Variants in CLNK observed in about 807,000 individuals in gnomAD.
CLNK encodes the protein cytokine-dependent hematopoietic cell linker.
A neutral mutation model predicts 68.6 loss-of-function variants in CLNK; 74 were observed. The ratio of observed to expected loss-of-function variants is 1.08; its 90% confidence interval spans 0.89 to 1.31. CLNK has a LOEUF of 1.31. Ranked by LOEUF, CLNK falls within the 50% of genes most tolerant of loss-of-function variation. CLNK has a pLI of 0.00. For synonymous variants in CLNK, 198 were observed against 172.2 expected (o/e 1.15, Z -1.17); for missense variants, 553 against 515.3 (o/e 1.07, Z -0.71).
chr4:10,679,715 C>G (rs902881555), intron 1 of CLNK, among the ~76,000 whole-genome samples: 3 of 152,112 alleles, frequency 2.0e-5, no homozygotes, highest in African/African-American at 7.2e-5. Context: ...AGGATATGAA[C>G]AGACACTTCT....
chr4:10,494,288 A>G (rs1037340494), intron 18 of CLNK, among the ~76,000 whole-genome samples: 3 of 152,158 alleles, frequency 2.0e-5, no homozygotes, highest in African/African-American at 4.8e-5. Context: ...CTTCAGAGGG[A>G]AGATGATTTC....
In CLNK at chr4:10,591,655, C is replaced by T. The variant is rs572902396; in HGVS notation, c.83+6323G>A. On this transcript the variant is annotated intron_variant, in intron 3 of 18. Coordinates refer to ENST00000226951, the MANE Select transcript of CLNK (RefSeq NM_052964.4). ...TGGACCTGTCCTATCCGAGCAAGGC[C>T]AATGGAGTGCCTGGCACGTAGTAGG... Among the ~76,000 whole-genome samples the T allele has an allele frequency of 9.3e-4, 142 of 152,338 alleles. 1 individual carries two copies. The highest frequency in any genetic ancestry group is 3.3e-3 in the African/African-American group (137 of 41,568).
chr4:10,625,253 T>C (rs976524469), intron 2 of CLNK, among the ~76,000 whole-genome samples: 5 of 152,170 alleles, frequency 3.3e-5, no homozygotes, highest in African/African-American at 1.2e-4. Flanking sequence ...CATTAGCCGA[T>C]ATAATTGAAA....
the CLNK span, among the ~76,000 whole-genome samples, chr4:10,698,887 C>A: frequency 6.6e-6 from 1 of 152,110 alleles, no homozygotes. Flanking sequence ...CGACTGAACA[C>A]CTAAACAGAA....
intron 18 of CLNK, among the ~76,000 whole-genome samples, chr4:10,491,130 G>T (rs1716554034): frequency 6.6e-6 from 1 of 152,162 alleles, no homozygotes; most frequent in African/African-American, 2.4e-5. Context: ...TAACAAGAGA[G>T]AAAAAAATTC....
upstream of CLNK, among the ~76,000 whole-genome samples, chr4:10,686,332 G>A (rs552105008): frequency 6.0e-4 from 91 of 152,222 alleles, no homozygotes; most frequent in African/African-American, 2.0e-3. Context: ...TTCCAAGGTA[G>A]TGGGGGGTTA....
At position 10,598,432 on chromosome 4, in the gene CLNK, G is replaced by A. The variant is rs573783334; in HGVS notation, c.12-383C>T. Among the ~76,000 whole-genome samples, 5 of 152,316 alleles carry A rather than the reference G, an allele frequency of 3.3e-5. No homozygotes were observed. The South Asian group carries it at 1.0e-3, about 32-fold the overall frequency. ...ATCATACTTTTGCCACATGGTTGATGAGAGGCTGTTAAGAAATTTGAGGGA... is the reference window on the plus strand; with the variant it reads ...ATCATACTTTTGCCACATGGTTGATAAGAGGCTGTTAAGAAATTTGAGGGA... On this transcript the variant is annotated intron_variant, in intron 2 of 18. Transcript: ENST00000226951.
At chr4:10,699,023 G>T in the CLNK span, among the ~76,000 whole-genome samples, 23 of 152,038 alleles carry the variant, frequency 1.5e-4, no homozygotes, top group South Asian at 4.6e-3. Flanking sequence ...GCCAACTTTT[G>T]AACTAGCACT....
chr4:10,618,403 A>T lies in CLNK; in HGVS notation c.12-20354T>A, dbSNP rs184294933. Among the ~76,000 whole-genome samples, 205 of 152,286 alleles carry T rather than the reference A, an allele frequency of 1.3e-3. 2 individuals carry two copies. Among genetic ancestry groups the T allele is most frequent in the African/African-American group, 4.7e-3 (197 of 41,564 alleles). On this transcript the variant is annotated intron_variant, in intron 2 of 18. Transcript: ENST00000226951. Reference sequence around the variant, plus strand: ...GGATCAACCATAAATGGGTATAAGAAATCTTATTAGGTTGATGGAAATCTT... The same window carrying T: ...GGATCAACCATAAATGGGTATAAGATATCTTATTAGGTTGATGGAAATCTT...
At chr4:10,686,333 TG>T (rs1262515050), upstream of CLNK, among the ~76,000 whole-genome samples, 1 of 151,948 alleles carries the variant, frequency 6.6e-6, no homozygotes, top group African/African-American at 2.4e-5. Flanking sequence ...TCCAAGGTAG[TG>T]GGGGGTTAGG....
chr4:10,650,054 G>A (rs754404271), intron 2 of CLNK, among the ~76,000 whole-genome samples: 5 of 151,812 alleles, frequency 3.3e-5, no homozygotes. Context: ...TAAGGAAAAG[G>A]AACTTTCATA....
intron 17 of CLNK, among the ~76,000 whole-genome samples, 187 bp from the exon 18 acceptor site, chr4:10,501,598 T>A (rs181142988): frequency 3.3e-5 from 5 of 152,220 alleles, no homozygotes; most frequent in Admixed American, 3.3e-4. Flanking sequence ...TTCTGAGATG[T>A]GTACCAGTTG....
intron 2 of CLNK, among the ~76,000 whole-genome samples, chr4:10,661,227 C>A (rs544623971): frequency 4.6e-5 from 7 of 152,184 alleles, no homozygotes; most frequent in Admixed American, 1.3e-4. Context: ...TTCATACACA[C>A]GAGAGAAATA....
At chr4:10,727,279 A>G in the CLNK span, among the ~76,000 whole-genome samples, 1 of 152,214 alleles carries the variant, frequency 6.6e-6, no homozygotes, top group Non-Finnish European at 1.5e-5. Context: ...AGGTTAAACA[A>G]GCACAGTTTG....
At chr4:10,692,959 T>C in the CLNK span, among the ~76,000 whole-genome samples, 21 of 152,182 alleles carry the variant, frequency 1.4e-4, no homozygotes, top group Admixed American at 3.3e-4. Flanking sequence ...GGCTCCTGCA[T>C]TGAGAGATTG....
chr4:10,693,192 A>C, the CLNK span, among the ~76,000 whole-genome samples: 1 of 152,228 alleles, frequency 6.6e-6, no homozygotes, highest in Non-Finnish European at 1.5e-5. Context: ...TAGGTGTAAA[A>C]GCAATGTGAA....
At chr4:10,620,911 G>C (rs189019553) in intron 2 of CLNK, among the ~76,000 whole-genome samples, 176 of 149,290 alleles carry the variant, frequency 1.2e-3, no homozygotes, top group African/African-American at 4.2e-3. Context: ...GACAATCCTG[G>C]CTAACATGGT....
intron 6 of CLNK, among the ~76,000 whole-genome samples, chr4:10,565,506 T>C (rs1242452551): frequency 1.3e-5 from 2 of 152,210 alleles, no homozygotes; most frequent in Non-Finnish European, 2.9e-5. Context: ...TTCTTAACAA[T>C]TGCAGCTTTG....
chr4:10,729,820 C>G, the CLNK span, among the ~76,000 whole-genome samples: 1 of 152,180 alleles, frequency 6.6e-6, no homozygotes, highest in African/African-American at 2.4e-5. Flanking sequence ...ATGATATTTA[C>G]TTGACCACGT....
Sources: allele counts gnomAD v4.1 joint callset (sites outside exome capture counted in the v4.1 genomes callset), GRCh38; gene constraint gnomAD v4.1.1; transcripts MANE v1.5; gene names NCBI Gene and HGNC (gene_info 2026-07-23, HGNC 2026-07-21).